TFCP2L1: variants seen among roughly 807,000 people sequenced by gnomAD.
TFCP2L1 encodes transcription factor CP2-like protein 1.
TFCP2L1 carries 12 observed loss-of-function variants against 72.2 expected under a neutral mutation model. The ratio of observed to expected loss-of-function variants is 0.17; its 90% CI spans 0.11 to 0.27. TFCP2L1 has a LOEUF of 0.27. Ranked by LOEUF, TFCP2L1 falls within the 10% of genes least tolerant of loss-of-function variation. The pLI, the probability that TFCP2L1 is intolerant of heterozygous loss-of-function variation, is 1.00. For missense variants in TFCP2L1, 488 were observed against 624.6 expected (o/e 0.78, Z 2.33); for synonymous variants, 260 against 251.0 (o/e 1.04, Z -0.34).
At chr2:121,241,420 C>T (rs927963984) in intron 7 of TFCP2L1, among the ~76,000 whole-genome samples, 1 of 152,122 alleles carries the variant, frequency 6.6e-6, no homozygotes, top group Non-Finnish European at 1.5e-5. Context: ...TCCCTTGAAC[C>T]CAGGAGATGA....
chr2:121,243,908 C>A (rs917445531), intron 6 of TFCP2L1, among the ~76,000 whole-genome samples: 16 of 152,276 alleles, frequency 1.1e-4, no homozygotes, highest in African/African-American at 3.1e-4. Context: ...CCCTCTCTTC[C>A]GTGGAAAAAC....
chr2:121,246,795 C>A, intron 6 of TFCP2L1, 23 bp downstream of exon 6: 1 of 1,613,778 alleles, frequency 6.2e-7, no homozygotes, highest in Admixed American at 1.7e-5. Context: ...CAGGGCACGG[C>A]AGAGCCTGCG....
intron 13 of TFCP2L1, among the ~76,000 whole-genome samples, chr2:121,228,040 C>T (rs1686066251): frequency 6.6e-6 from 1 of 152,250 alleles, no homozygotes; most frequent in Non-Finnish European, 1.5e-5. Context: ...ACCCCAGGGG[C>T]CGGCTCCGCG....
rs1686037298 is a variant in TFCP2L1, at chr2:121,226,661, G to T, written c.1342-1048C>A. 2.6e-5 allele frequency among the ~76,000 whole-genome samples: 4 copies of T among 152,090 alleles called. No homozygotes were observed. The South Asian group carries it at 8.3e-4, about 32-fold the overall frequency. On this transcript the variant is annotated intron_variant, in intron 13 of 14. Transcript: ENST00000263707. ...TCCTCTCTGGAGTTCTAATTTCGAT[G>T]AACTACCCAGTGACCTTGGACAAGC... is the stretch of plus-strand genomic sequence containing the variant.
At chr2:121,257,058 TG>T (rs1483125634) in intron 2 of TFCP2L1, among the ~76,000 whole-genome samples, 1 of 152,146 alleles carries the variant, frequency 6.6e-6, no homozygotes, top group Non-Finnish European at 1.5e-5. Flanking sequence ...TCCAAAGTCC[TG>T]GCCCAACCCT....
At chr2:121,228,288 G>T (rs1308679361) in intron 13 of TFCP2L1, among the ~76,000 whole-genome samples, 1 of 152,114 alleles carries the variant, frequency 6.6e-6, no homozygotes, top group Non-Finnish European at 1.5e-5. Flanking sequence ...CACATTTTTG[G>T]CTTTTGTCTT....
chr2:121,234,126 T>C lies in TFCP2L1; in HGVS notation c.1163A>G (p.Gln388Arg), dbSNP rs139334996. Residue 388 changes from glutamine to arginine, a missense_variant, in exon 12 of 15, where the codon CAG (glutamine) becomes CGG (arginine). Physicochemically the swap from Gln to Arg is conservative, Grantham distance 43. Transcript: ENST00000263707. ...GCTGTCTCCACTGCCGTCCCGCTTC[T>C]GCTGCAGGGGCACTCGATTCTGCTC... ...ELEQNRVPLQ[Q>R]KRDGSGDSNL... 3.0e-3 allele frequency: 4,785 copies of C among 1,614,078 alleles called. 10 individuals carry two copies. The highest frequency in any genetic ancestry group is 3.5e-3 in the Non-Finnish European group (4,127 of 1,180,038).
chr2:121,267,154 T>C (rs1686948156), intron 2 of TFCP2L1, among the ~76,000 whole-genome samples: 1 of 152,046 alleles, frequency 6.6e-6, no homozygotes, highest in African/African-American at 2.4e-5. Context: ...CTGGCCTCAA[T>C]CAATCCACCA....
At chr2:121,254,777 TG>T (rs1686682570) in intron 2 of TFCP2L1, among the ~76,000 whole-genome samples, 1 of 147,076 alleles carries the variant, frequency 6.8e-6, no homozygotes, top group African/African-American at 2.5e-5. Context: ...CGCTCCAGCC[TG>T]GGGGAGAGAG....
At chr2:121,239,785 T>G in intron 7 of TFCP2L1, 136 bp from the exon 8 acceptor site, 1 of 897,156 alleles carries the variant, frequency 1.1e-6, no homozygotes, top group Non-Finnish European at 1.6e-6. Flanking sequence ...GTTTACCCAG[T>G]GCCCACAGTG....
At chr2:121,224,538 C>CT (rs1477345695) in intron 14 of TFCP2L1, 151 bp from the exon 15 acceptor site, 2 of 704,560 alleles carry the variant, frequency 2.8e-6, no homozygotes, top group African/African-American at 3.5e-5. Flanking sequence ...AAGCAGGGAT[C>CT]TCACATGCCC....
intron 13 of TFCP2L1, among the ~76,000 whole-genome samples, chr2:121,227,161 TAAAC>T: frequency 6.6e-6 from 1 of 152,140 alleles, no homozygotes; most frequent in African/African-American, 2.4e-5. Flanking sequence ...ATAGCAAAAT[TAAAC>T]AATATATTGA....
At position 121,235,269 on chromosome 2, in the gene TFCP2L1, A is replaced by G. The variant is rs1007754540; in HGVS notation, c.1046T>C (p.Ile349Thr). The change falls in exon 11 of 15, where the codon ATC (isoleucine) becomes ACC (threonine). Residue 349 changes from isoleucine to threonine, a missense_variant. Ile to Thr is a moderately conservative substitution (Grantham distance 89, BLOSUM62 -1). This residue lies in a region of TFCP2L1 where 286 missense variants were observed against 329.0 expected (regional missense o/e 0.87). Coordinates refer to ENST00000263707, the MANE Select transcript of TFCP2L1 (RefSeq NM_014553.3). ...LKMSRDDLVQ[I>T]CGPADGIRLF... The stretch of plus-strand genomic sequence containing the variant: ...CCGGATCCCATCTGCGGGACCACAG[A>G]TCTGGACCAAATCATCTCGGGACAT... 6.2e-7 allele frequency: 1 copy of G among 1,614,016 alleles called. No individual in the cohort carries two copies. Among genetic ancestry groups the G allele is most frequent in the African/African-American group, 1.3e-5 (1 of 74,906 alleles).
intron 2 of TFCP2L1, among the ~76,000 whole-genome samples, chr2:121,266,882 ATTATTTAT>A (rs199919633): frequency 0.21 from 29,933 of 145,704 alleles, 3,311 homozygotes; most frequent in East Asian, 0.36. Context: ...TATTTTTTTC[ATTATTTAT>A]TTATTTATTT....
intron 13 of TFCP2L1, 86 bp downstream of exon 13, chr2:121,231,740 C>T (rs2104667110): frequency 6.4e-7 from 1 of 1,553,976 alleles, no homozygotes; most frequent in East Asian, 2.3e-5. Context: ...ACTCCCAAAC[C>T]CAAGTGTGTT....
intron 6 of TFCP2L1, among the ~76,000 whole-genome samples, chr2:121,244,574 C>A (rs544734585): frequency 1.3e-5 from 2 of 152,166 alleles, no homozygotes; most frequent in Non-Finnish European, 2.9e-5. Context: ...CCCCAAGCAA[C>A]GCCTGGCATG....
chr2:121,250,838 C>T (rs1237912754), intron 2 of TFCP2L1, among the ~76,000 whole-genome samples: 2 of 151,936 alleles, frequency 1.3e-5, no homozygotes, highest in African/African-American at 2.4e-5. Flanking sequence ...AACTCCTGAC[C>T]TCGTGATTCA....
Position 121,237,794 on chromosome 2 carries a change from A to G in TFCP2L1, c.909+8T>C. On this transcript the variant is annotated splice_region_variant and intron_variant, in intron 9 of 14. Transcript: ENST00000263707. Reference sequence around the variant, plus strand: ...CCACCAGCCAGAAAGCCCTGCTCAGACACTTACGTCACTGCCCACGGGCAG... The same window carrying G: ...CCACCAGCCAGAAAGCCCTGCTCAGGCACTTACGTCACTGCCCACGGGCAG... 1 of 1,614,118 alleles carries G rather than the reference A, an allele frequency of 6.2e-7. No homozygotes were observed. The highest frequency in any genetic ancestry group is 8.5e-7 in the Non-Finnish European group (1 of 1,180,026).
intron 6 of TFCP2L1, 52 bp downstream of exon 6, chr2:121,246,766 C>G: frequency 6.2e-7 from 1 of 1,608,054 alleles, no homozygotes; most frequent in East Asian, 2.2e-5. Context: ...GCGAATGTGA[C>G]CACAGGCCAG....
Sources: allele counts gnomAD v4.1 joint callset (sites outside exome capture counted in the v4.1 genomes callset), GRCh38; gene constraint gnomAD v4.1.1; regional missense constraint gnomAD v4.1.1; transcripts MANE v1.5; gene names NCBI Gene and HGNC (gene_info 2026-07-23, HGNC 2026-07-21).